Variants in THADA observed in about 807,000 individuals in gnomAD.
The protein encoded by THADA is tRNA (32-2'-O)-methyltransferase regulator THADA.
Under a neutral mutation model 219.8 loss-of-function variants are expected in THADA, and 213 were observed. The ratio of observed to expected loss-of-function variants is 0.97; its 90% confidence interval spans 0.87 to 1.09. THADA has a LOEUF of 1.09. Ranked by LOEUF, THADA falls within the 50% of genes least tolerant of loss-of-function variation. THADA has a pLI of 0.00. For missense variants in THADA, 2,956 were observed against 2,311.3 expected (o/e 1.28, Z -5.72); for synonymous variants, 1,018 against 828.9 (o/e 1.23, Z -3.92).
chr2:43,260,098 C>T (rs1480833821), intron 36 of THADA, among the ~76,000 whole-genome samples: 1 of 152,192 alleles, frequency 6.6e-6, no homozygotes, highest in Non-Finnish European at 1.5e-5. Flanking sequence ...ATTCTCCTGC[C>T]TCAGCCTCCC....
At chr2:43,584,959 T>C (rs981197943) in intron 7 of THADA, among the ~76,000 whole-genome samples, 1 of 152,208 alleles carries the variant, frequency 6.6e-6, no homozygotes, top group Non-Finnish European at 1.5e-5. Context: ...ACATGCACAG[T>C]GCACGCCAAA....
intron 28 of THADA, among the ~76,000 whole-genome samples, chr2:43,414,417 C>A (rs896554766): frequency 2.0e-5 from 3 of 152,148 alleles, no homozygotes; most frequent in African/African-American, 7.2e-5. Flanking sequence ...ATTCTATTTC[C>A]AGGTAACCTC....
intron 36 of THADA, among the ~76,000 whole-genome samples, chr2:43,253,880 T>C (rs1273314655): frequency 1.3e-5 from 2 of 152,160 alleles, no homozygotes; most frequent in Admixed American, 1.3e-4. Context: ...CCAGGTTCTT[T>C]GGCCTAGCAT....
chr2:43,279,642 C>T (rs1673109959), intron 36 of THADA, 123 bp downstream of exon 36: 3 of 1,262,886 alleles, frequency 2.4e-6, no homozygotes, highest in Non-Finnish European at 2.1e-6. Context: ...ACTAAGATGG[C>T]AGAGTTGAGA....
chr2:43,411,976 C>T (rs1484621707), intron 28 of THADA, among the ~76,000 whole-genome samples: 1 of 152,072 alleles, frequency 6.6e-6, no homozygotes, highest in Non-Finnish European at 1.5e-5. Context: ...TCACATCTTT[C>T]AAAGTGTCCA....
intron 29 of THADA, among the ~76,000 whole-genome samples, chr2:43,382,911 C>A (rs1466015482): frequency 6.6e-6 from 1 of 152,066 alleles, no homozygotes; most frequent in African/African-American, 2.4e-5. Context: ...TCAAAAAATT[C>A]TCAAAGAAGG....
intron 30 of THADA, among the ~76,000 whole-genome samples, chr2:43,331,795 C>A (rs1665802582): frequency 6.6e-6 from 1 of 152,078 alleles, no homozygotes; most frequent in Non-Finnish European, 1.5e-5. Flanking sequence ...TATCTTAGTC[C>A]ACATTCTTTT....
chr2:43,296,900 G>A (rs1199524567), intron 31 of THADA, among the ~76,000 whole-genome samples: 4 of 151,046 alleles, frequency 2.6e-5, no homozygotes, highest in Non-Finnish European at 5.9e-5. Flanking sequence ...CGAGGGCAAG[G>A]AGCAGCCGCC....
chr2:43,533,724 A>G (rs1574119647), intron 21 of THADA, among the ~76,000 whole-genome samples: 1 of 152,300 alleles, frequency 6.6e-6, no homozygotes, highest in South Asian at 2.1e-4. Flanking sequence ...GGAACATCAC[A>G]CATCAGGGCC....
chr2:43,290,162 T>G (rs1674520941), intron 34 of THADA, among the ~76,000 whole-genome samples: 1 of 151,740 alleles, frequency 6.6e-6, no homozygotes, highest in African/African-American at 2.4e-5. Context: ...TTGGTAGAGA[T>G]GGAGTTTCAC....
intron 29 of THADA, among the ~76,000 whole-genome samples, chr2:43,373,174 T>G (rs1449372695): frequency 2.0e-5 from 3 of 152,238 alleles, no homozygotes; most frequent in African/African-American, 7.2e-5. Context: ...ATTGGGTGTT[T>G]AAGGTTAAAT....
In THADA at chr2:43,491,684, T is replaced by G. The variant is rs544809468; in HGVS notation, c.3745-6359A>C. Among the ~76,000 whole-genome samples, 6 of 152,320 alleles carry G rather than the reference T, an allele frequency of 3.9e-5. No homozygotes were observed. In the South Asian group the frequency reaches 1.2e-3, roughly 32 times the overall value. On this transcript the variant is annotated intron_variant, in intron 25 of 37. Coordinates refer to ENST00000405975, the MANE Select transcript of THADA (RefSeq NM_022065.5). ...GAATAATAAGCTATATCATACAACC[T>G]AGGTGTGGAGTAGGCTATACATCTA...
At chr2:43,570,242 A>G in intron 14 of THADA, 146 bp downstream of exon 14, 2 of 759,104 alleles carry the variant, frequency 2.6e-6, no homozygotes, top group Non-Finnish European at 4.0e-6. Context: ...GTACCAAAGC[A>G]CCAGAAATAG....
At chr2:43,552,412 G>C in intron 17 of THADA, 73 bp from the exon 18 acceptor site, 1 of 1,469,124 alleles carries the variant, frequency 6.8e-7, no homozygotes, top group South Asian at 1.4e-5. Flanking sequence ...CAGCAAAATA[G>C]TTCCCATTAA....
intron 21 of THADA, among the ~76,000 whole-genome samples, chr2:43,533,682 T>C (rs1002351757): frequency 1.3e-5 from 2 of 151,764 alleles, no homozygotes; most frequent in African/African-American, 2.4e-5. Context: ...TAAGTGGGAG[T>C]TGAACAATGA....
At chr2:43,294,817 T>C (rs1675169864) in intron 31 of THADA, among the ~76,000 whole-genome samples, 1 of 150,806 alleles carries the variant, frequency 6.6e-6, no homozygotes, top group Non-Finnish European at 1.5e-5. Flanking sequence ...GAAGCCAAGG[T>C]GATCATTTAA....
intron 36 of THADA, among the ~76,000 whole-genome samples, chr2:43,247,829 G>GC (rs1386544327): frequency 2.0e-5 from 3 of 150,538 alleles, no homozygotes; most frequent in Non-Finnish European, 4.4e-5. Context: ...GATCACTTGA[G>GC]CCCAGGAGTT....
chr2:43,332,324 C>G lies in THADA; in HGVS notation c.4344-11784G>C, dbSNP rs146043728. Among the ~76,000 whole-genome samples, 426 of 152,324 alleles carry G rather than the reference C, an allele frequency of 2.8e-3. 3 individuals carry two copies. The highest frequency in any genetic ancestry group is 1.0e-2 in the African/African-American group (415 of 41,572). On this transcript the variant is annotated intron_variant, in intron 30 of 37. Transcript: ENST00000405975. The stretch of plus-strand genomic sequence containing the variant: ...CCTCTTCCTGAAGACTTCCTTGACA[C>G]CCCTACCCTGACAAGCTGGCATTTA...
chr2:43,353,263 C>T (rs957845906), intron 29 of THADA, among the ~76,000 whole-genome samples: 2 of 152,130 alleles, frequency 1.3e-5, no homozygotes, highest in Admixed American at 1.3e-4. Flanking sequence ...CACTGTTTTC[C>T]ATCATGGAGG....
Sources: allele counts gnomAD v4.1 joint callset (sites outside exome capture counted in the v4.1 genomes callset), GRCh38; gene constraint gnomAD v4.1.1; transcripts MANE v1.5; gene names NCBI Gene and HGNC (gene_info 2026-07-23, HGNC 2026-07-21).